CNGA1: variants seen among roughly 807,000 people sequenced by gnomAD.
CNGA1 encodes the protein cyclic nucleotide-gated channel alpha-1.
Under a neutral mutation model 69.7 loss-of-function variants are expected in CNGA1, and 53 were observed. The observed-to-expected ratio is 0.76, with a 90% CI of 0.61 to 0.96. CNGA1 has a LOEUF of 0.96. CNGA1 is among the 40% of genes least tolerant of loss of function. CNGA1 has a pLI of 0.00. For synonymous variants in CNGA1, 249 were observed against 283.5 expected (o/e 0.88, Z 1.22); for missense variants, 739 against 811.2 (o/e 0.91, Z 1.08).
chr4:48,005,944 GA>G (rs779561607), intron 2 of CNGA1, among the ~76,000 whole-genome samples: 1 of 152,222 alleles, frequency 6.6e-6, no homozygotes, highest in Non-Finnish European at 1.5e-5. Context: ...ATCAGGTACA[GA>G]GAAAGAAATA....
chr4:47,990,294 A>C (rs1742200950), intron 2 of CNGA1, among the ~76,000 whole-genome samples: 1 of 152,068 alleles, frequency 6.6e-6, no homozygotes, highest in Admixed American at 6.6e-5. Context: ...AGCAAGGAAT[A>C]AACCTGGGGA....
chr4:47,946,364 T>C (rs1299192254), intron 6 of CNGA1, among the ~76,000 whole-genome samples: 1 of 152,214 alleles, frequency 6.6e-6, no homozygotes, highest in Non-Finnish European at 1.5e-5. Flanking sequence ...TCTGGGTCAG[T>C]CATTGTGAAT....
intron 4 of CNGA1, 120 bp from the exon 5 acceptor site, chr4:47,951,589 CA>C (rs1739744272): frequency 1.4e-6 from 1 of 728,018 alleles, no homozygotes; most frequent in African/African-American, 1.7e-5. Context: ...CAAACTAACA[CA>C]CATAACAATT....
intron 3 of CNGA1, among the ~76,000 whole-genome samples, chr4:47,958,209 C>T (rs921202179): frequency 6.6e-6 from 1 of 151,982 alleles, no homozygotes; most frequent in South Asian, 2.1e-4. Context: ...TTTATATACA[C>T]CTCTGTTTAA....
intron 3 of CNGA1, among the ~76,000 whole-genome samples, chr4:47,960,549 A>G (rs938147972): frequency 1.1e-4 from 17 of 152,362 alleles, no homozygotes; most frequent in African/African-American, 3.4e-4. Context: ...ATTGGATATC[A>G]TTAGAATTCC....
chr4:47,959,425 T>C (rs1740288348), intron 3 of CNGA1, among the ~76,000 whole-genome samples: 1 of 131,008 alleles, frequency 7.6e-6, no homozygotes, highest in African/African-American at 2.5e-5. Context: ...TAAAAGTACA[T>C]GGAGAAAAAA....
At chr4:48,011,515 T>C (rs560759143) in intron 1 of CNGA1, among the ~76,000 whole-genome samples, 1 of 152,244 alleles carries the variant, frequency 6.6e-6, no homozygotes, top group African/African-American at 2.4e-5. Context: ...TCATTACTAT[T>C]GTCAGTGAAA....
chr4:47,954,186 CG>C (rs2110163612), intron 3 of CNGA1, among the ~76,000 whole-genome samples: 1 of 152,222 alleles, frequency 6.6e-6, no homozygotes, highest in Admixed American at 6.5e-5. Context: ...TCCAGAACGG[CG>C]GAACTCCAGG....
chr4:47,941,315 AT>A (rs1246655472), intron 9 of CNGA1, among the ~76,000 whole-genome samples: 3 of 152,216 alleles, frequency 2.0e-5, no homozygotes, highest in Non-Finnish European at 4.4e-5. Flanking sequence ...GTACAAAAAA[AT>A]CTTTAAATAA....
At chr4:47,967,841 G>A (rs1038294508) in intron 3 of CNGA1, among the ~76,000 whole-genome samples, 1 of 152,078 alleles carries the variant, frequency 6.6e-6, no homozygotes, top group Admixed American at 6.5e-5. Flanking sequence ...AGCTGGGTGT[G>A]GTGGTGGGTG....
Position 47,936,257 on chromosome 4 carries a change from T to A in CNGA1, c.*164A>T. 1 of 674,176 alleles carries A rather than the reference T, an allele frequency of 1.5e-6. No individual in the cohort carries two copies. The highest frequency in any genetic ancestry group is 2.6e-6 in the Non-Finnish European group (1 of 390,734). The allele number at this position is 674,176 out of a possible 1,614,324, so 41.8% of individuals were successfully genotyped here. ...ATATAAAGCTTTTTTAATCATAGTA[T>A]CTCTCAGAGAGGGTGTGGGCCTTGT... is the stretch of plus-strand genomic sequence containing the variant. On this transcript the variant is annotated 3_prime_UTR_variant, in exon 11 of 11. Coordinates refer to ENST00000514170, the MANE Select transcript of CNGA1 (RefSeq NM_001379270.1).
At chr4:48,000,565 T>C (rs979733179) in intron 2 of CNGA1, among the ~76,000 whole-genome samples, 7 of 152,074 alleles carry the variant, frequency 4.6e-5, no homozygotes, top group Non-Finnish European at 1.0e-4. Flanking sequence ...ACGGGGCTTC[T>C]CCAGATTGGT....
At chr4:47,979,224 G>C (rs1259958615) in intron 3 of CNGA1, among the ~76,000 whole-genome samples, 1 of 151,794 alleles carries the variant, frequency 6.6e-6, no homozygotes, top group East Asian at 1.9e-4. Context: ...AGGAAGCTGA[G>C]GCGGGAGGAT....
At position 47,990,591 on chromosome 4, in the gene CNGA1, T is replaced by C. The variant is rs191900991; in HGVS notation, c.-122-9091A>G. ...GTGATCTTTATTGCCCGTTGAAGCA[T>C]GTAATCCTTGTGACCTACTCCCTGT... On this transcript the variant is annotated intron_variant, in intron 2 of 10. Transcript: ENST00000514170. Among the ~76,000 whole-genome samples the C allele has an allele frequency of 1.2e-4, 18 of 152,246 alleles. 1 individual carries two copies. The highest frequency in any genetic ancestry group is 1.2e-3 in the Admixed American group (18 of 15,276).
At chr4:47,949,610 A>T (rs944828088) in intron 6 of CNGA1, among the ~76,000 whole-genome samples, 5 of 152,228 alleles carry the variant, frequency 3.3e-5, no homozygotes, top group African/African-American at 4.8e-5. Context: ...CTATTCACAG[A>T]GAAAGTCAAC....
intron 3 of CNGA1, chr4:47,971,160 A>G: frequency 2.3e-6 from 1 of 428,386 alleles, no homozygotes; most frequent in Admixed American, 2.5e-5. Flanking sequence ...ATATGTAAAT[A>G]TCTATATTTG....
At chr4:47,998,036 G>T (rs948172504) in intron 2 of CNGA1, among the ~76,000 whole-genome samples, 1 of 152,150 alleles carries the variant, frequency 6.6e-6, no homozygotes, top group East Asian at 1.9e-4. Flanking sequence ...TGAAAAAGTA[G>T]CTTGACTTCA....
intron 3 of CNGA1, among the ~76,000 whole-genome samples, chr4:47,980,278 C>T (rs1298163416): frequency 6.6e-6 from 1 of 151,860 alleles, no homozygotes; most frequent in Non-Finnish European, 1.5e-5. Context: ...TGTAAAAAGC[C>T]CGTTTTAAGA....
rs372341480 is a variant in CNGA1 at position 47,951,408 on chromosome 4, G to A, written c.169C>T (p.His57Tyr). 3.7e-6 allele frequency: 6 copies of A among 1,613,900 alleles called. No individual in the cohort carries two copies. Among genetic ancestry groups the A allele is most frequent in the African/African-American group, 2.7e-5 (2 of 75,040 alleles). Residue 57 changes from histidine (H) to tyrosine (Y), a missense_variant, in exon 5 of 11, where the codon CAT (histidine) becomes TAT (tyrosine). Coordinates refer to ENST00000514170, the MANE Select transcript of CNGA1 (RefSeq NM_001379270.1). ...TTATAACTAAAGGAACCCCTTGCAT[G>A]AGGGTTTTCATTCTCTGATTCTTCA... ...TSEESENENP[H>Y]ARGSFSYKSL...
Sources: gnomAD v4.1 joint callset for allele counts (sites outside exome capture counted in the v4.1 genomes callset) on GRCh38, gnomAD v4.1.1 for gene constraint, MANE v1.5 for transcripts, NCBI Gene and HGNC (gene_info 2026-07-23, HGNC 2026-07-21) for gene names.